Variants in MGMT observed in about 807,000 individuals in gnomAD.
MGMT encodes the protein O-6-methylguanine-DNA methyltransferase, also known as methylated-DNA--protein-cysteine methyltransferase.
In MGMT, 14 loss-of-function variants were observed where a neutral mutation model predicts 15.9. That is an observed-to-expected ratio of 0.88 (90% CI 0.58 to 1.37). The LOEUF (loss-of-function observed/expected upper bound fraction) is 1.37, where lower values mean the gene tolerates loss of function less well. Ranked by LOEUF, MGMT falls within the 40% of genes most tolerant of loss-of-function variation. The pLI is 0.00. For missense variants in MGMT, 282 were observed against 268.1 expected, an observed-to-expected ratio of 1.05 and a Z score of -0.36; for synonymous variants, 130 against 118.2, an observed-to-expected ratio of 1.10 and a Z score of -0.65.
At position 129,532,284 on chromosome 10, in the gene MGMT, A is replaced by G. The variant is rs1845941154; in HGVS notation, c.-12-3957A>G. ...GGGCCAGCAGCTGGGGTCCTTGGGC[A>G]TTTCCTGGGTGGCGGTGCTCTCTGG... On this transcript the variant is annotated intron_variant, in intron 1 of 4. Coordinates refer to ENST00000651593, the MANE Select transcript of MGMT (RefSeq NM_002412.5). This position sits in a 1 kb window ranked among gnomAD's most constrained non-coding sequence, Gnocchi z 5.3. 1.3e-5 allele frequency among the ~76,000 whole-genome samples: 2 copies of G among 152,106 alleles called. No homozygotes were observed. Among genetic ancestry groups the G allele is most frequent in the African/African-American group, 4.8e-5 (2 of 41,416 alleles).
intron 2 of MGMT, among the ~76,000 whole-genome samples, chr10:129,686,429 C>G (rs1004576936): frequency 6.6e-6 from 1 of 152,076 alleles, no homozygotes; most frequent in Non-Finnish European, 1.5e-5. Flanking sequence ...GGCTGGAGTA[C>G]AGTGGTGTGA....
intron 2 of MGMT, among the ~76,000 whole-genome samples, chr10:129,707,278 AAAAC>A (rs925447071): frequency 3.1e-4 from 47 of 152,080 alleles, no homozygotes; most frequent in Admixed American, 4.6e-4. Flanking sequence ...ACTCCGTCTC[AAAAC>A]AAACAAACAA....
rs189544659 is a variant in MGMT, at chr10:129,661,805, C to T, written c.126-46090C>T. 7.2e-5 allele frequency among the ~76,000 whole-genome samples: 11 copies of T among 152,288 alleles called. No homozygotes were observed. In the East Asian group the frequency reaches 9.6e-4, roughly 13 times the overall value. On this transcript the variant is annotated intron_variant, in intron 2 of 4. Transcript: ENST00000651593. ...TTCGAAAAAGGACTATCTTGACTTA[C>T]GGTTTTGTTTTAATATTTTTAATTT...
At chr10:129,753,390 A>G (rs994467204) in intron 3 of MGMT, among the ~76,000 whole-genome samples, 1 of 152,144 alleles carries the variant, frequency 6.6e-6, no homozygotes, top group East Asian at 1.9e-4. Context: ...AATTTTAGCT[A>G]TCGTTTATTT....
chr10:129,650,705 G>A lies in MGMT; in HGVS notation c.126-57190G>A, dbSNP rs543409009. 7.2e-5 allele frequency among the ~76,000 whole-genome samples: 11 copies of A among 152,246 alleles called. 1 individual carries two copies. In the South Asian group the frequency reaches 8.3e-4, roughly 12 times the overall value. ...GAGCACGTCTTTCCTTGGTGTGGCC[G>A]TCTCCAAGTACTTTGGGTGGTGGTA... On this transcript the variant is annotated intron_variant, in intron 2 of 4. Coordinates refer to ENST00000651593, the MANE Select transcript of MGMT (RefSeq NM_002412.5).
Position 129,770,774 on chromosome 10 carries a change from C to A in MGMT, c.*3777C>A, listed in dbSNP as rs552066388. Among the ~76,000 whole-genome samples the A allele has an allele frequency of 1.3e-5, 2 of 152,304 alleles. No homozygotes were observed. The highest frequency in any genetic ancestry group is 3.9e-4 in the East Asian group (2 of 5,156). ...AATCCCGAAACGGCCCTTGCTTCGG[C>A]CACAGCTGCTGGGATGTCCTCGGGC... On this transcript the variant is annotated 3_prime_UTR_variant, in exon 5 of 5. Transcript: ENST00000651593.
intron 2 of MGMT, among the ~76,000 whole-genome samples, chr10:129,578,363 A>G (rs2133044589): frequency 6.6e-6 from 1 of 152,320 alleles, no homozygotes; most frequent in Non-Finnish European, 1.5e-5. Flanking sequence ...ATAAAAAATG[A>G]TGAGTTCATG....
chr10:129,761,620 A>G (rs1208067085), intron 4 of MGMT, among the ~76,000 whole-genome samples: 2 of 152,252 alleles, frequency 1.3e-5, no homozygotes, highest in Non-Finnish European at 2.9e-5. Context: ...ACTGAAATGT[A>G]TAAAGTAGTA....
intron 3 of MGMT, among the ~76,000 whole-genome samples, chr10:129,734,468 A>G (rs960749857): frequency 6.6e-6 from 1 of 150,948 alleles, no homozygotes; most frequent in Non-Finnish European, 1.5e-5. Flanking sequence ...GGGCTGAGAC[A>G]GTGGGGTCTT....
intron 1 of MGMT, among the ~76,000 whole-genome samples, chr10:129,513,506 G>A (rs1274830468): frequency 6.6e-6 from 1 of 152,166 alleles, no homozygotes; most frequent in Non-Finnish European, 1.5e-5. Context: ...GCTGGCAGGT[G>A]TCTGGAGCAG....
rs186104133 is a variant in MGMT, at chr10:129,743,232, G to A, written c.275-15970G>A. ...TCACTTCCACTCTGGCACCTCGTTC[G>A]CCATCACCTCACTCAGGAGGGTTCC... On this transcript the variant is annotated intron_variant, in intron 3 of 4. Coordinates refer to ENST00000651593, the MANE Select transcript of MGMT (RefSeq NM_002412.5). Among the ~76,000 whole-genome samples the A allele has an allele frequency of 3.9e-3, 596 of 152,244 alleles. 6 individuals are homozygous for A. The highest frequency in any genetic ancestry group is 0.014 in the African/African-American group (564 of 41,540).
intron 3 of MGMT, among the ~76,000 whole-genome samples, chr10:129,728,027 G>A (rs1351681680): frequency 6.6e-6 from 1 of 152,142 alleles, no homozygotes; most frequent in Non-Finnish European, 1.5e-5. Context: ...AAGGCCATCA[G>A]GTCTCACTGG....
intron 2 of MGMT, among the ~76,000 whole-genome samples, chr10:129,543,205 TG>T (rs1564847300): frequency 6.6e-6 from 1 of 152,158 alleles, no homozygotes; most frequent in Non-Finnish European, 1.5e-5. Flanking sequence ...TGGCAGCTCT[TG>T]GACCTTAGTA....
chr10:129,734,280 C>G (rs1462377695), intron 3 of MGMT, among the ~76,000 whole-genome samples: 2 of 138,728 alleles, frequency 1.4e-5, no homozygotes, highest in East Asian at 4.9e-4. Flanking sequence ...CTTCACATCC[C>G]TTGTAAGTTG....
chr10:129,512,959 T>C (rs965861456), intron 1 of MGMT, among the ~76,000 whole-genome samples: 6 of 152,310 alleles, frequency 3.9e-5, no homozygotes, highest in South Asian at 4.2e-4. Flanking sequence ...CTGGTGTTCA[T>C]AGCAGCATCA....
At chr10:129,728,352 G>C (rs1321531867) in intron 3 of MGMT, among the ~76,000 whole-genome samples, 1 of 152,194 alleles carries the variant, frequency 6.6e-6, no homozygotes, top group Non-Finnish European at 1.5e-5. Context: ...TGAAGAAGGT[G>C]AGGCAGCATA....
chr10:129,518,721 T>C (rs899638621), intron 1 of MGMT, among the ~76,000 whole-genome samples: 5 of 149,492 alleles, frequency 3.3e-5, no homozygotes, highest in Admixed American at 6.7e-5. Flanking sequence ...CAGTGTATAA[T>C]ATGGGTAACA....
At chr10:129,636,345 A>G (rs1279168616) in intron 2 of MGMT, among the ~76,000 whole-genome samples, 2 of 152,248 alleles carry the variant, frequency 1.3e-5, no homozygotes, top group Non-Finnish European at 2.9e-5. Flanking sequence ...CACAGAGGTT[A>G]GTATTCAGTA....
At chr10:129,685,787 G>T (rs1847898389) in intron 2 of MGMT, among the ~76,000 whole-genome samples, 1 of 152,194 alleles carries the variant, frequency 6.6e-6, no homozygotes, top group African/African-American at 2.4e-5. Flanking sequence ...AGATGGGCAG[G>T]TACACCTCAC....
Sources: gnomAD v4.1 joint callset for allele counts (sites outside exome capture counted in the v4.1 genomes callset) on GRCh38, gnomAD v4.1.1 for gene constraint, Gnocchi (gnomAD v3.1) non-coding constraint, MANE v1.5 for transcripts, NCBI Gene and HGNC (gene_info 2026-07-23, HGNC 2026-07-21) for gene names.